Variants in THSD1 observed in about 807,000 individuals in gnomAD.
THSD1 encodes the protein thrombospondin type 1 domain containing 1.
Under a neutral mutation model 46.3 loss-of-function variants are expected in THSD1, and 34 were observed. The observed-to-expected ratio is 0.74, with a 90% CI of 0.56 to 0.98. THSD1 has a LOEUF of 0.98. Among genes scored for constraint, THSD1 ranks in the 50% least tolerant of loss-of-function variants. THSD1 has a pLI of 0.00. For missense variants in THSD1, 1,023 were observed against 1,058.3 expected, an observed-to-expected ratio of 0.97 and a Z score of 0.46; for synonymous variants, 407 against 416.5, an observed-to-expected ratio of 0.98 and a Z score of 0.28.
At chr13:52,384,488 C>CA (rs1957716402) in intron 4 of THSD1, 1 of 448,230 alleles carries the variant, frequency 2.2e-6, no homozygotes, top group South Asian at 1.6e-5. Flanking sequence ...AAATGCCTGG[C>CA]AGGCAGTAAG....
At position 52,377,544 on chromosome 13, in the gene THSD1, A is replaced by C; in HGVS notation, c.2426T>G (p.Phe809Cys). The C allele has an allele frequency of 6.2e-7, 1 of 1,601,350 alleles. No individual in the cohort carries two copies. The highest frequency in any genetic ancestry group is 8.6e-7 in the Non-Finnish European group (1 of 1,169,422). Residue 809 changes from phenylalanine to cysteine, a missense_variant, in exon 5 of 5, where the codon TTT becomes TGT. Phe to Cys is a radical substitution (Grantham distance 205). Coordinates refer to ENST00000258613, the MANE Select transcript of THSD1 (RefSeq NM_018676.4). The part of the protein sequence containing the change: ...KCQSFPTHPE[F>C]AFYDNTSFGL... ...AAACGACGTATTGTCATAGAAGGCA[A>C]ACTCAGGGTGAGTGGGGAAGCTTTG...
At chr13:52,403,938 ATTTTTTTTTTTTTTTT>A (rs67802176) in intron 1 of THSD1, among the ~76,000 whole-genome samples, 1 of 63,920 alleles carries the variant, frequency 1.6e-5, no homozygotes, top group East Asian at 6.6e-4. Flanking sequence ...CATTATTCAC[ATTTTTTTTTTTTTTTT>A]TTTTTTTTTT....
At chr13:52,381,857 G>C (rs939131122) in intron 4 of THSD1, among the ~76,000 whole-genome samples, 12 of 152,176 alleles carry the variant, frequency 7.9e-5, no homozygotes, top group African/African-American at 2.9e-4. Flanking sequence ...ACTGAAAAGA[G>C]GGGTCTGCAT....
chr13:52,381,612 T>C (rs1353604541), intron 4 of THSD1, among the ~76,000 whole-genome samples: 2 of 152,182 alleles, frequency 1.3e-5, no homozygotes, highest in Non-Finnish European at 2.9e-5. Flanking sequence ...TTTTTCCACA[T>C]AATCAGTGGG....
chr13:52,393,539 T>G (rs1170817273), intron 3 of THSD1, among the ~76,000 whole-genome samples: 4 of 152,114 alleles, frequency 2.6e-5, no homozygotes, highest in African/African-American at 7.2e-5. Context: ...ATGCCTGTAC[T>G]CCCAGCTACT....
At position 52,397,915 on chromosome 13, in the gene THSD1, G is replaced by A. The variant is rs140075542; in HGVS notation, c.338C>T (p.Pro113Leu). 50 of 1,614,262 alleles carry A rather than the reference G, an allele frequency of 3.1e-5. No homozygotes were observed. In the East Asian group the frequency reaches 1.0e-3, roughly 34 times the overall value. Reference sequence around the variant, plus strand: ...GGCACTTTTCTCCCACCAGGGGAATGGAGTGCTGTTGTCTGTTGCTTCTGG... The same window carrying A: ...GGCACTTTTCTCCCACCAGGGGAATAGAGTGCTGTTGTCTGTTGCTTCTGG... ...MTPEATDNST[P>L]FPWWEKSAFL... The change falls in exon 3 of 5, where the codon CCA (proline) becomes CTA (leucine). Residue 113 changes from proline (P) to leucine (L), a missense_variant. By Grantham distance (98) the Pro-to-Leu change is moderately conservative. Transcript: ENST00000258613.
At chr13:52,393,258 TATCC>T (rs1957786411) in intron 3 of THSD1, among the ~76,000 whole-genome samples, 1 of 152,200 alleles carries the variant, frequency 6.6e-6, no homozygotes, top group Admixed American at 6.5e-5. Context: ...TATGGGTTAA[TATCC>T]ATAAAACAGT....
In THSD1 at chr13:52,378,020, GA is replaced by G; in HGVS notation, c.1949del (p.Phe650SerfsTer24). The G allele has an allele frequency of 6.2e-7, 1 of 1,614,142 alleles. No homozygotes were observed. The highest frequency in any genetic ancestry group is 1.1e-5 in the South Asian group (1 of 91,090). On this transcript the variant is annotated frameshift_variant, in exon 5 of 5. Coordinates refer to ENST00000258613, the MANE Select transcript of THSD1 (RefSeq NM_018676.4). LOFTEE classifies it high-confidence loss of function. ...CTTCATGGAAACTCGCTGTCCTCCT[GA>G]AATGGGCGTTCCTGGCATGGCTCCT... ...SERSHARNAH[F>X]RRTASFHEAR...
intron 3 of THSD1, among the ~76,000 whole-genome samples, chr13:52,391,037 T>C (rs907831410): frequency 3.3e-5 from 5 of 152,072 alleles, no homozygotes; most frequent in Admixed American, 2.0e-4. Flanking sequence ...TGAGAATGCA[T>C]CTGCCCTACA....
intron 1 of THSD1, chr13:52,403,020 T>G: frequency 1.2e-6 from 1 of 857,990 alleles, no homozygotes; most frequent in Non-Finnish European, 1.4e-6. Flanking sequence ...TTTGGATACA[T>G]TTTCACATTA....
chr13:52,394,715 T>C (rs1261295515), intron 3 of THSD1, among the ~76,000 whole-genome samples: 2 of 152,176 alleles, frequency 1.3e-5, no homozygotes, highest in African/African-American at 4.8e-5. Context: ...AGTTCAGTTT[T>C]CACTTAATAA....
intron 3 of THSD1, among the ~76,000 whole-genome samples, chr13:52,396,365 T>C (rs1957811052): frequency 6.6e-6 from 1 of 151,922 alleles, no homozygotes; most frequent in Non-Finnish European, 1.5e-5. Context: ...CTACTAAAAA[T>C]ACAAAAATTA....
In THSD1 at chr13:52,397,426, T is replaced by C. The variant is rs1299724736; in HGVS notation, c.827A>G (p.Lys276Arg). The C allele has an allele frequency of 3.1e-6, 5 of 1,614,122 alleles. No individual in the cohort carries two copies. Among genetic ancestry groups the C allele is most frequent in the Admixed American group, 1.7e-5 (1 of 60,014 alleles). ...TFVQGVVTVF[K>R]EAPRYPGKRT... ...CTTCCCAGGGTATCTGGGGGCCTCC[T>C]TGAAGACAGTGACCACTCCTTGGAC... Residue 276 changes from lysine (K) to arginine (R), a missense_variant, in exon 3 of 5, where the codon AAG becomes AGG. Transcript: ENST00000258613.
intron 2 of THSD1, chr13:52,399,957 G>T: frequency 6.3e-6 from 1 of 158,176 alleles, no homozygotes; most frequent in South Asian, 1.7e-4. Context: ...GTCCATTTAA[G>T]AATAAGAGGC....
In THSD1 at chr13:52,404,266, A is replaced by C. The variant is rs78782043; in HGVS notation, c.-81-1585T>G. 6.5e-3 allele frequency among the ~76,000 whole-genome samples: 995 copies of C among 152,302 alleles called. 4 individuals carry two copies. The highest frequency in any genetic ancestry group is 0.016 in the African/African-American group (677 of 41,568). ...CAGCCCACAGTTAATCATTTTAATA[A>C]GCAAGTATATTATATTCCAAATACA... On this transcript the variant is annotated intron_variant, in intron 1 of 4. Coordinates refer to ENST00000258613, the MANE Select transcript of THSD1 (RefSeq NM_018676.4).
At chr13:52,381,330 A>T (rs983536131) in intron 4 of THSD1, among the ~76,000 whole-genome samples, 9 of 152,170 alleles carry the variant, frequency 5.9e-5, no homozygotes, top group Non-Finnish European at 8.8e-5. Context: ...TAGCTGCTGC[A>T]CTGGTGGAGA....
At chr13:52,402,831 A>G in intron 1 of THSD1, 150 bp from the exon 2 acceptor site, 1 of 1,355,142 alleles carries the variant, frequency 7.4e-7, no homozygotes, top group South Asian at 1.8e-5. Context: ...TGGGGCAATG[A>G]CTTATAATTA....
At chr13:52,397,093 T>G in intron 3 of THSD1, 139 bp downstream of exon 3, 1 of 745,204 alleles carries the variant, frequency 1.3e-6, no homozygotes, top group Non-Finnish European at 2.1e-6. Context: ...CAGCTAAGGG[T>G]GATAATGCCA....
chr13:52,396,908 T>C (rs1436866813), intron 3 of THSD1, among the ~76,000 whole-genome samples: 1 of 152,222 alleles, frequency 6.6e-6, no homozygotes, highest in Non-Finnish European at 1.5e-5. Context: ...TTTAAAAATC[T>C]AATATAATGT....
Sources: allele counts gnomAD v4.1 joint callset (sites outside exome capture counted in the v4.1 genomes callset), GRCh38; gene constraint gnomAD v4.1.1; transcripts MANE v1.5; gene names NCBI Gene and HGNC (gene_info 2026-07-23, HGNC 2026-07-21).